NHSL1: variants seen among roughly 807,000 people sequenced by gnomAD.
NHSL1 encodes NHS like 1.
In NHSL1, 48 loss-of-function variants were observed where a neutral mutation model predicts 95.0. That is an observed-to-expected ratio of 0.51 (90% CI 0.40 to 0.64). The LOEUF is 0.64. NHSL1 is among the 30% of genes least tolerant of loss of function. The pLI is 0.00. For missense variants in NHSL1, 1,971 were observed against 2,077.7 expected (o/e 0.95, Z 1.00); for synonymous variants, 783 against 833.9 (o/e 0.94, Z 1.05).
At chr6:138,486,237 G>A (rs918422945) in intron 2 of NHSL1, among the ~76,000 whole-genome samples, 12 of 152,024 alleles carry the variant, frequency 7.9e-5, no homozygotes, top group Admixed American at 7.2e-4. Flanking sequence ...GCTGTACCGT[G>A]CCACCACCTC....
chr6:138,570,907 G>C (rs1783816023), intron 1 of NHSL1, among the ~76,000 whole-genome samples: 1 of 152,166 alleles, frequency 6.6e-6, no homozygotes, highest in African/African-American at 2.4e-5. Flanking sequence ...GCACCGAATG[G>C]AGAAACCATT....
intron 3 of NHSL1, among the ~76,000 whole-genome samples, chr6:138,465,054 CA>C (rs35195031): frequency 0.26 from 26,697 of 100,840 alleles, 2,417 homozygotes; most frequent in Admixed American, 0.4. Flanking sequence ...TGTATGCCTT[CA>C]AAAAAAAAAA....
intron 1 of NHSL1, among the ~76,000 whole-genome samples, chr6:138,684,451 G>C (rs893012998): frequency 1.3e-5 from 2 of 152,074 alleles, no homozygotes; most frequent in Admixed American, 1.3e-4. Flanking sequence ...TTCAAGACCA[G>C]CCTGGCCAAC....
intron 1 of NHSL1, among the ~76,000 whole-genome samples, chr6:138,636,122 C>CAA (rs199791161): frequency 1.0e-4 from 9 of 89,682 alleles, no homozygotes; most frequent in East Asian, 3.1e-4. Context: ...GACTCTGTCT[C>CAA]AAAAAAAAAA....
intron 1 of NHSL1, among the ~76,000 whole-genome samples, chr6:138,642,318 C>T (rs1353850177): frequency 1.3e-5 from 2 of 152,050 alleles, no homozygotes; most frequent in African/African-American, 4.8e-5. Flanking sequence ...ATTTTATACA[C>T]ACATGCAAAA....
intron 1 of NHSL1, among the ~76,000 whole-genome samples, chr6:138,619,984 T>A (rs1784633261): frequency 6.8e-6 from 1 of 147,308 alleles, no homozygotes; most frequent in African/African-American, 2.5e-5. Context: ...ATCTCCAAGT[T>A]AAAACCACTC....
At chr6:138,668,372 G>C (rs1785321406) in intron 1 of NHSL1, among the ~76,000 whole-genome samples, 1 of 152,046 alleles carries the variant, frequency 6.6e-6, no homozygotes, top group Non-Finnish European at 1.5e-5. Context: ...GAACCTGGGA[G>C]GCGGAGGTTG....
At chr6:138,466,979 C>T (rs570215197) in intron 3 of NHSL1, among the ~76,000 whole-genome samples, 64 of 151,974 alleles carry the variant, frequency 4.2e-4, no homozygotes, top group Middle Eastern at 3.4e-3. Context: ...GAGCTGAGAT[C>T]GTGCCACTGC....
chr6:138,682,037 A>G (rs1025111904), intron 1 of NHSL1, among the ~76,000 whole-genome samples: 1 of 149,708 alleles, frequency 6.7e-6, no homozygotes, highest in African/African-American at 2.5e-5. Context: ...GCTAGAGTGC[A>G]GTGGCGTGAT....
chr6:138,522,672 G>A (rs528365578), intron 1 of NHSL1, among the ~76,000 whole-genome samples: 2 of 152,120 alleles, frequency 1.3e-5, no homozygotes, highest in East Asian at 3.9e-4. Context: ...ATTTACTCAG[G>A]TGTGGTGGCG....
chr6:138,547,353 G>A (rs1197889311), upstream of NHSL1, among the ~76,000 whole-genome samples: 1 of 151,416 alleles, frequency 6.6e-6, no homozygotes, highest in Admixed American at 6.6e-5. Flanking sequence ...ACTGCATGGG[G>A]AATGATGAAC....
At chr6:138,606,267 A>G (rs1024588236) in intron 1 of NHSL1, among the ~76,000 whole-genome samples, 3 of 152,222 alleles carry the variant, frequency 2.0e-5, no homozygotes, top group African/African-American at 7.2e-5. Context: ...CCCCACAGAG[A>G]AAGAACTTAC....
intron 3 of NHSL1, among the ~76,000 whole-genome samples, chr6:138,463,751 T>C (rs980204463): frequency 6.6e-5 from 10 of 151,968 alleles, no homozygotes; most frequent in African/African-American, 2.2e-4. Flanking sequence ...TGTCCATGTG[T>C]TCTCACTGCT....
At chr6:138,489,141 C>T (rs946911695) in intron 2 of NHSL1, among the ~76,000 whole-genome samples, 14 of 152,156 alleles carry the variant, frequency 9.2e-5, no homozygotes, top group African/African-American at 3.1e-4. Context: ...GAAAGAAAGA[C>T]CCAACTAAAT....
chr6:138,509,086 C>T (rs1210975012), intron 1 of NHSL1, among the ~76,000 whole-genome samples: 6 of 152,182 alleles, frequency 3.9e-5, no homozygotes, highest in Admixed American at 3.3e-4. Context: ...CCAATTCAGT[C>T]ATTCAAAACA....
chr6:138,665,415 C>T (rs185624024), intron 1 of NHSL1, among the ~76,000 whole-genome samples: 10 of 152,316 alleles, frequency 6.6e-5, no homozygotes, highest in Admixed American at 1.3e-4. Context: ...GTTCCTTCTT[C>T]CCGACTTTAC....
intron 1 of NHSL1, among the ~76,000 whole-genome samples, chr6:138,603,748 C>A (rs1583444273): frequency 6.6e-6 from 1 of 152,148 alleles, no homozygotes; most frequent in Non-Finnish European, 1.5e-5. Flanking sequence ...GTCAGGTACA[C>A]TAAATGCTAC....
In NHSL1 at chr6:138,432,653, G is replaced by T. The variant is rs1313285993; in HGVS notation, c.1692C>A (p.Ser564=). 4 of 1,551,594 alleles carry T rather than the reference G, an allele frequency of 2.6e-6. No individual in the cohort carries two copies. In the East Asian group the frequency reaches 9.8e-5, roughly 38 times the overall value. The stretch of plus-strand genomic sequence containing the variant: ...GAGTTGCTAAATGCGGCTTCAGGGG[G>T]GATGCCCTTCCATTACCTGAGGATT... ...EYKSSGNGRA[S]PLKPHLATPG... is the part of the protein sequence containing the mutation. The change falls in exon 6 of 8, where the codon TCC becomes TCA. Residue 564 remains serine (S), a synonymous_variant. Coordinates refer to ENST00000343505, the MANE Select transcript of NHSL1 (RefSeq NM_001144060.2). This position sits in a 1 kb window ranked among gnomAD's most constrained non-coding sequence, Gnocchi z 4.4.
chr6:138,504,860 C>G (rs1157114827), intron 1 of NHSL1, among the ~76,000 whole-genome samples: 1 of 152,150 alleles, frequency 6.6e-6, no homozygotes, highest in African/African-American at 2.4e-5. Context: ...TTCTCTAGAA[C>G]AACTTGGTTT....
Sources: allele counts gnomAD v4.1 joint callset (sites outside exome capture counted in the v4.1 genomes callset), GRCh38; gene constraint gnomAD v4.1.1; non-coding constraint Gnocchi (gnomAD v3.1); transcripts MANE v1.5; gene names NCBI Gene and HGNC (gene_info 2026-07-23, HGNC 2026-07-21).